KCNQ3: variants seen among roughly 807,000 people sequenced by gnomAD.
KCNQ3 encodes potassium voltage-gated channel subfamily Q member 3.
KCNQ3 carries 30 observed loss-of-function variants against 92.5 expected under a neutral mutation model. The observed-to-expected ratio is 0.32, with a 90% CI of 0.24 to 0.44. The LOEUF is 0.44. KCNQ3 is among the 20% of genes least tolerant of loss of function. The probability of loss-of-function intolerance (pLI) is 1.00; values close to 1 mark genes in which losing one functional copy is unlikely to be tolerated. For synonymous variants in KCNQ3, 450 were observed against 468.8 expected (o/e 0.96, Z 0.52); for missense variants, 913 against 1,140.3 (o/e 0.80, Z 2.87).
intron 1 of KCNQ3, among the ~76,000 whole-genome samples, chr8:132,474,054 T>C (rs1413643776): frequency 2.6e-5 from 4 of 152,178 alleles, no homozygotes; most frequent in African/African-American, 9.7e-5. Flanking sequence ...TGTGGCAAGA[T>C]GGTCAGGGCA....
intron 1 of KCNQ3, among the ~76,000 whole-genome samples, chr8:132,387,498 TA>T (rs1819919518): frequency 6.6e-6 from 1 of 152,186 alleles, no homozygotes; most frequent in African/African-American, 2.4e-5. Context: ...GGAAAGGCTT[TA>T]AGAAGTAGAA....
chr8:132,329,677 A>G (rs1818174057), intron 1 of KCNQ3, among the ~76,000 whole-genome samples: 1 of 152,164 alleles, frequency 6.6e-6, no homozygotes, highest in Non-Finnish European at 1.5e-5. Context: ...GTGGCATTGT[A>G]TTACCAAGAG....
intron 9 of KCNQ3, among the ~76,000 whole-genome samples, chr8:132,145,997 C>T (rs566967373): frequency 6.6e-6 from 1 of 152,344 alleles, no homozygotes; most frequent in East Asian, 1.9e-4. Flanking sequence ...GTGGCCAAAA[C>T]ATTCTAAGTG....
chr8:132,450,910 A>G (rs1821804711), intron 1 of KCNQ3, among the ~76,000 whole-genome samples: 1 of 152,248 alleles, frequency 6.6e-6, no homozygotes, highest in South Asian at 2.1e-4. Flanking sequence ...GGATGGGTTG[A>G]TTAGAAAGCT....
intron 1 of KCNQ3, among the ~76,000 whole-genome samples, chr8:132,331,253 G>C (rs1282528766): frequency 6.6e-6 from 1 of 152,192 alleles, no homozygotes; most frequent in South Asian, 2.1e-4. Flanking sequence ...CAAAGTCACA[G>C]AGCTCGTAAT....
chr8:132,415,222 TTCCTCCCAGGTC>T (rs1306989463), intron 1 of KCNQ3, among the ~76,000 whole-genome samples: 1 of 152,224 alleles, frequency 6.6e-6, no homozygotes, highest in Non-Finnish European at 1.5e-5. Flanking sequence ...CAGCCTGCGT[TTCCTCCCAGGTC>T]TGCTCCTCAG....
rs10956660 is a variant in KCNQ3, at chr8:132,402,332, G to C, written c.386+77815C>G. Among the ~76,000 whole-genome samples, 11 of 152,270 alleles carry C rather than the reference G, an allele frequency of 7.2e-5. No individual in the cohort carries two copies. The East Asian group carries it at 1.9e-3, about 27-fold the overall frequency. ...CATTGTGTCTGGTGGCAAAGAACTT[G>C]CTCGGCTTCTGGTGAGCAATTAGTC... On this transcript the variant is annotated intron_variant, in intron 1 of 14. Coordinates refer to ENST00000388996, the MANE Select transcript of KCNQ3 (RefSeq NM_004519.4).
intron 1 of KCNQ3, among the ~76,000 whole-genome samples, chr8:132,474,848 A>T (rs1459023132): frequency 6.6e-6 from 1 of 152,094 alleles, no homozygotes; most frequent in Non-Finnish European, 1.5e-5. Context: ...AAGGGGAGTC[A>T]CCAAGTGAAA....
At chr8:132,348,836 T>TGTCC (rs1330293965) in intron 1 of KCNQ3, among the ~76,000 whole-genome samples, 5 of 152,238 alleles carry the variant, frequency 3.3e-5, no homozygotes, top group African/African-American at 4.8e-5. Flanking sequence ...TGGTAGTGAA[T>TGTCC]GTCCGCATTT....
chr8:132,280,914 T>C (rs1329934014), intron 1 of KCNQ3, among the ~76,000 whole-genome samples: 1 of 152,194 alleles, frequency 6.6e-6, no homozygotes, highest in East Asian at 1.9e-4. Flanking sequence ...CAGTTAAGTG[T>C]CACACAGTTT....
intron 1 of KCNQ3, among the ~76,000 whole-genome samples, chr8:132,364,390 T>A (rs969068668): frequency 1.3e-5 from 2 of 152,218 alleles, no homozygotes; most frequent in Non-Finnish European, 2.9e-5. Flanking sequence ...TCCCACATTA[T>A]GTGGAATTGC....
intron 1 of KCNQ3, among the ~76,000 whole-genome samples, chr8:132,192,924 G>C (rs1358489887): frequency 6.6e-6 from 1 of 152,228 alleles, no homozygotes; most frequent in African/African-American, 2.4e-5. Flanking sequence ...TGGGATTACA[G>C]GTGTGAGCCA....
At chr8:132,385,893 A>G (rs1226920565) in intron 1 of KCNQ3, among the ~76,000 whole-genome samples, 1 of 152,164 alleles carries the variant, frequency 6.6e-6, no homozygotes, top group Non-Finnish European at 1.5e-5. Flanking sequence ...CAAGCATATA[A>G]GTTAAAATTT....
intron 1 of KCNQ3, among the ~76,000 whole-genome samples, chr8:132,475,814 T>A (rs1563924122): frequency 6.6e-6 from 1 of 152,152 alleles, no homozygotes; most frequent in Non-Finnish European, 1.5e-5. Context: ...TATGCATAAG[T>A]AATGAGGAGT....
At chr8:132,470,085 C>G in intron 1 of KCNQ3, among the ~76,000 whole-genome samples, 1 of 93,060 alleles carries the variant, frequency 1.1e-5, no homozygotes, top group Non-Finnish European at 2.1e-5. Context: ...TCCAGCCTCT[C>G]TCTCCATACA....
chr8:132,444,626 A>G (rs1397698983), intron 1 of KCNQ3, among the ~76,000 whole-genome samples: 7 of 152,220 alleles, frequency 4.6e-5, no homozygotes, highest in Admixed American at 1.3e-4. Context: ...GCATGTTAAA[A>G]TAAGCATAGC....
intron 1 of KCNQ3, among the ~76,000 whole-genome samples, chr8:132,261,140 A>G (rs1815772533): frequency 6.6e-6 from 1 of 152,198 alleles, no homozygotes; most frequent in Non-Finnish European, 1.5e-5. Flanking sequence ...ACTGGGACTA[A>G]GAATATGCAG....
intron 1 of KCNQ3, among the ~76,000 whole-genome samples, chr8:132,460,086 C>T (rs767652420): frequency 6.6e-6 from 1 of 152,102 alleles, no homozygotes; most frequent in Non-Finnish European, 1.5e-5. Context: ...TACTTTCTGG[C>T]ACTATAAGAT....
chr8:132,131,171 T>G (rs908299936), intron 14 of KCNQ3, among the ~76,000 whole-genome samples: 1 of 152,206 alleles, frequency 6.6e-6, no homozygotes, highest in Non-Finnish European at 1.5e-5. Flanking sequence ...AATTAAAATT[T>G]AAAATGAAAA....
Sources: gnomAD v4.1 joint callset for allele counts (sites outside exome capture counted in the v4.1 genomes callset) on GRCh38, gnomAD v4.1.1 for gene constraint, MANE v1.5 for transcripts, NCBI Gene and HGNC (gene_info 2026-07-23, HGNC 2026-07-21) for gene names.